CSMD1: variants seen among roughly 807,000 people sequenced by gnomAD.
CSMD1 encodes CUB and sushi domain-containing protein 1.
Under a neutral mutation model 417.5 loss-of-function variants are expected in CSMD1, and 213 were observed. The observed-to-expected ratio is 0.51, with a 90% CI of 0.46 to 0.57. The LOEUF (loss-of-function observed/expected upper bound fraction) is 0.57. CSMD1 is among the 20% of genes least tolerant of loss of function. CSMD1 has a pLI of 0.00. For synonymous variants in CSMD1, 2,862 were observed against 1,736.8 expected (o/e 1.65, Z -16.11); for missense variants, 6,923 against 4,529.7 (o/e 1.53, Z -15.17).
At chr8:4,213,265 C>T (rs567668098) in intron 3 of CSMD1, among the ~76,000 whole-genome samples, 18 of 152,078 alleles carry the variant, frequency 1.2e-4, no homozygotes, top group South Asian at 2.1e-4. Context: ...GCAAGTGAGG[C>T]GGGGTCCTGT....
rs187841642 is a variant in CSMD1, at chr8:4,455,494, T to C, written c.303-35429A>G. ...CAGCACATCTAAGAATAGAGGAAGC[T>C]GGTTTCCATTTGTCTCTGCAGCTGG... On this transcript the variant is annotated intron_variant, in intron 2 of 69. Coordinates refer to ENST00000635120, the MANE Select transcript of CSMD1 (RefSeq NM_033225.6). Among the ~76,000 whole-genome samples the C allele has an allele frequency of 2.1e-3, 318 of 152,292 alleles. 2 individuals carry two copies. The highest frequency in any genetic ancestry group is 7.4e-3 in the African/African-American group (308 of 41,574).
intron 3 of CSMD1, among the ~76,000 whole-genome samples, chr8:4,375,521 T>C (rs899519032): frequency 1.1e-4 from 17 of 152,136 alleles, no homozygotes; most frequent in Admixed American, 3.9e-4. Context: ...CAGAAGAATT[T>C]TTTTTTCCTC....
intron 7 of CSMD1, among the ~76,000 whole-genome samples, chr8:3,700,105 G>A (rs146300964): frequency 6.6e-6 from 1 of 152,146 alleles, no homozygotes; most frequent in African/African-American, 2.4e-5. Context: ...TGGACGTTGG[G>A]GGAAGAGTGG....
At chr8:4,116,522 TG>T (rs1802158780) in intron 3 of CSMD1, among the ~76,000 whole-genome samples, 5 of 69,586 alleles carry the variant, frequency 7.2e-5, no homozygotes, top group South Asian at 5.7e-4. Context: ...GATGTATGAG[TG>T]CAGGTACCTG....
intron 3 of CSMD1, among the ~76,000 whole-genome samples, chr8:4,361,674 G>T (rs1380317432): frequency 6.6e-6 from 1 of 152,172 alleles, no homozygotes; most frequent in Non-Finnish European, 1.5e-5. Flanking sequence ...TCAGCAGCCA[G>T]GTGCGACGGC....
chr8:4,095,172 G>T (rs988610126), intron 3 of CSMD1, among the ~76,000 whole-genome samples: 1 of 152,124 alleles, frequency 6.6e-6, no homozygotes. Flanking sequence ...TGTTGGGGAC[G>T]GATAGCCACA....
At chr8:4,054,632 A>G (rs1203550746) in intron 3 of CSMD1, among the ~76,000 whole-genome samples, 2 of 152,032 alleles carry the variant, frequency 1.3e-5, no homozygotes, top group Non-Finnish European at 2.9e-5. Flanking sequence ...GGACTGTAAA[A>G]CACATAGGTA....
At chr8:4,880,353 C>T (rs1264435452) in intron 1 of CSMD1, among the ~76,000 whole-genome samples, 1 of 152,084 alleles carries the variant, frequency 6.6e-6, no homozygotes, top group Non-Finnish European at 1.5e-5. Flanking sequence ...GTCAAATTTA[C>T]TTGACGTCTG....
intron 11 of CSMD1, among the ~76,000 whole-genome samples, chr8:3,489,473 G>A (rs1479609042): frequency 3.9e-5 from 6 of 152,168 alleles, no homozygotes; most frequent in Admixed American, 1.3e-4. Flanking sequence ...GGAATCCAGG[G>A]AAGGCCATAG....
chr8:3,577,548 C>A (rs912192209), intron 9 of CSMD1, among the ~76,000 whole-genome samples: 1 of 152,118 alleles, frequency 6.6e-6, no homozygotes, highest in Non-Finnish European at 1.5e-5. Context: ...AGATTTGTGT[C>A]TGATTTGTTC....
chr8:3,523,481 C>A (rs544953167), intron 10 of CSMD1, among the ~76,000 whole-genome samples: 1 of 152,224 alleles, frequency 6.6e-6, no homozygotes, highest in South Asian at 2.1e-4. Flanking sequence ...ATTCGCCCAC[C>A]TGTGGATGGC....
intron 50 of CSMD1, among the ~76,000 whole-genome samples, chr8:3,033,001 C>T (rs778816899): frequency 6.6e-6 from 1 of 151,968 alleles, no homozygotes; most frequent in South Asian, 2.1e-4. Flanking sequence ...GAGAATAATA[C>T]CACGGCAACT....
intron 4 of CSMD1, among the ~76,000 whole-genome samples, chr8:4,018,881 G>A (rs577343772): frequency 1.3e-5 from 2 of 152,218 alleles, no homozygotes; most frequent in Admixed American, 6.5e-5. Context: ...CCAGAGGGAT[G>A]ATGATAATAT....
chr8:3,278,819 G>C (rs543343493), intron 26 of CSMD1: 2 of 152,286 alleles, frequency 1.3e-5, no homozygotes, highest in East Asian at 1.9e-4. Context: ...AAAGACACCA[G>C]CTTGATTTAG....
rs572186403 is a variant in CSMD1 at position 3,265,428 on chromosome 8, C to T, written c.4153+18716G>A. Among the ~76,000 whole-genome samples the T allele has an allele frequency of 5.9e-5, 9 of 152,100 alleles. 1 individual carries two copies. The highest frequency in any genetic ancestry group is 4.2e-4 in the South Asian group (2 of 4,814). ...AGTGTAAGAATCATATTAAATGGGT[C>T]GTTATTTACTCTCAGGGATCAGAGA... is the stretch of plus-strand genomic sequence containing the variant. On this transcript the variant is annotated intron_variant, in intron 26 of 69. Transcript: ENST00000635120.
intron 1 of CSMD1, among the ~76,000 whole-genome samples, chr8:4,921,203 G>C (rs1806476409): frequency 1.3e-5 from 2 of 152,132 alleles, no homozygotes; most frequent in Non-Finnish European, 2.9e-5. Flanking sequence ...CAAGTGACTT[G>C]TTAGCTCCCT....
intron 27 of CSMD1, 26 bp from the exon 28 acceptor site, chr8:3,223,893 A>T (rs916318713): frequency 1.2e-6 from 2 of 1,612,624 alleles, no homozygotes; most frequent in Non-Finnish European, 1.7e-6. Context: ...AGTTACAGAG[A>T]AAAAGTAAGG....
chr8:4,534,924 G>C (rs545959699), intron 2 of CSMD1, among the ~76,000 whole-genome samples: 3 of 152,006 alleles, frequency 2.0e-5, no homozygotes, highest in Non-Finnish European at 4.4e-5. Flanking sequence ...CACCACGCCC[G>C]GCTTATTTCT....
At chr8:3,957,370 G>A (rs1370296683) in intron 5 of CSMD1, among the ~76,000 whole-genome samples, 4 of 152,146 alleles carry the variant, frequency 2.6e-5, no homozygotes, top group African/African-American at 9.7e-5. Flanking sequence ...CACCAAGGCA[G>A]GTGTTAAGCA....
Sources: allele counts gnomAD v4.1 joint callset (sites outside exome capture counted in the v4.1 genomes callset), GRCh38; gene constraint gnomAD v4.1.1; transcripts MANE v1.5; gene names NCBI Gene and HGNC (gene_info 2026-07-23, HGNC 2026-07-21).